CADM2: variants seen among roughly 807,000 people sequenced by gnomAD.
The protein encoded by CADM2 is immunoglobulin superfamily member 4D.
CADM2 carries 12 observed loss-of-function variants against 49.8 expected under a neutral mutation model. The observed-to-expected ratio is 0.24, with a 90% CI of 0.15 to 0.39. The LOEUF (loss-of-function observed/expected upper bound fraction) is 0.39. CADM2 is among the 10% of genes least tolerant of loss of function. CADM2 has a pLI of 1.00. For missense variants in CADM2, 378 were observed against 492.3 expected, an observed-to-expected ratio of 0.77 and a Z score of 2.20; for synonymous variants, 214 against 175.4, an observed-to-expected ratio of 1.22 and a Z score of -1.74.
intron 8 of CADM2, among the ~76,000 whole-genome samples, chr3:85,964,084 T>C (rs1460580895): frequency 6.6e-6 from 1 of 151,872 alleles, no homozygotes; most frequent in Non-Finnish European, 1.5e-5. Context: ...TAGTCACTAG[T>C]TGTATAAATA....
At chr3:85,408,521 A>G (rs1241632119) in intron 1 of CADM2, among the ~76,000 whole-genome samples, 1 of 152,204 alleles carries the variant, frequency 6.6e-6, no homozygotes, top group East Asian at 1.9e-4. Flanking sequence ...CGTAGCAACT[A>G]CCATACAAAC....
At chr3:85,353,712 A>G (rs1357322910) in intron 1 of CADM2, among the ~76,000 whole-genome samples, 1 of 151,930 alleles carries the variant, frequency 6.6e-6, no homozygotes, top group Non-Finnish European at 1.5e-5. Context: ...TATATTCATT[A>G]GATATCTTGC....
intron 1 of CADM2, among the ~76,000 whole-genome samples, chr3:85,558,351 T>A (rs1401252064): frequency 6.6e-6 from 1 of 152,000 alleles, no homozygotes; most frequent in Non-Finnish European, 1.5e-5. Flanking sequence ...ACTAAGTACC[T>A]TATTTGGGAA....
chr3:85,920,842 G>C (rs1170876231), intron 6 of CADM2, among the ~76,000 whole-genome samples: 1 of 150,808 alleles, frequency 6.6e-6, no homozygotes, highest in Admixed American at 6.6e-5. Context: ...TTGTGAATGG[G>C]AATTCCAAAT....
chr3:85,388,332 T>C (rs2034349266), intron 1 of CADM2, among the ~76,000 whole-genome samples: 1 of 152,188 alleles, frequency 6.6e-6, no homozygotes. Context: ...TGAGAATTAA[T>C]TGTTTGGCCT....
intron 1 of CADM2, among the ~76,000 whole-genome samples, chr3:85,187,528 G>A (rs958286786): frequency 6.6e-6 from 1 of 151,894 alleles, no homozygotes; most frequent in Non-Finnish European, 1.5e-5. Flanking sequence ...TTATTCACTT[G>A]TCATTTTGTT....
intron 1 of CADM2, chr3:85,511,873 T>G: frequency 1.0e-6 from 1 of 983,242 alleles, no homozygotes; most frequent in Non-Finnish European, 1.2e-6. Flanking sequence ...ACATTAATCA[T>G]TCCAGTGTAA....
chr3:85,251,397 T>G, intron 1 of CADM2, among the ~76,000 whole-genome samples: 1 of 151,968 alleles, frequency 6.6e-6, no homozygotes, highest in African/African-American at 2.4e-5. Flanking sequence ...AGATAAAAAT[T>G]TTGATTTAAA....
intron 1 of CADM2, among the ~76,000 whole-genome samples, chr3:85,609,009 T>G (rs1351261415): frequency 6.6e-6 from 1 of 152,154 alleles, no homozygotes; most frequent in Non-Finnish European, 1.5e-5. Flanking sequence ...AATTTTTTTG[T>G]TCTACTTGAA....
chr3:85,810,307 T>C (rs941779299), intron 3 of CADM2, among the ~76,000 whole-genome samples: 1 of 152,102 alleles, frequency 6.6e-6, no homozygotes, highest in Non-Finnish European at 1.5e-5. Context: ...CCTGAGTAGC[T>C]TAGTCTTCTA....
At chr3:85,446,152 C>A (rs559030533) in intron 1 of CADM2, among the ~76,000 whole-genome samples, 2 of 152,148 alleles carry the variant, frequency 1.3e-5, no homozygotes, top group South Asian at 4.1e-4. Context: ...TAGCTTCTTC[C>A]TTCTCTTGAC....
intron 1 of CADM2, among the ~76,000 whole-genome samples, chr3:85,631,112 G>T (rs2064292630): frequency 6.6e-6 from 1 of 151,912 alleles, no homozygotes; most frequent in Admixed American, 6.6e-5. Context: ...TGTTTTCCCT[G>T]TTCTTTGGGT....
intron 1 of CADM2, among the ~76,000 whole-genome samples, chr3:85,106,361 A>C (rs1217987087): frequency 6.6e-6 from 1 of 152,166 alleles, no homozygotes; most frequent in African/African-American, 2.4e-5. Context: ...CAAATAGCTA[A>C]GGAGGAACAG....
chr3:85,964,086 G>A (rs1034543425), intron 8 of CADM2, among the ~76,000 whole-genome samples: 6 of 151,756 alleles, frequency 4.0e-5, no homozygotes, highest in Admixed American at 2.6e-4. Flanking sequence ...GTCACTAGTT[G>A]TATAAATATA....
chr3:85,659,083 T>TAATAAC (rs1253912561), intron 1 of CADM2, among the ~76,000 whole-genome samples: 23 of 148,904 alleles, frequency 1.5e-4, no homozygotes, highest in African/African-American at 5.7e-4. Flanking sequence ...ATAATAATAA[T>TAATAAC]AACAATAAAT....
intron 6 of CADM2, among the ~76,000 whole-genome samples, chr3:85,915,224 C>G (rs564784038): frequency 5.9e-5 from 9 of 152,138 alleles, no homozygotes; most frequent in African/African-American, 2.2e-4. Flanking sequence ...TGGAGGAAGG[C>G]AATTGAATTA....
intron 8 of CADM2, among the ~76,000 whole-genome samples, chr3:86,043,870 C>T (rs898071525): frequency 1.3e-5 from 2 of 152,030 alleles, no homozygotes; most frequent in South Asian, 4.1e-4. Flanking sequence ...GAGATATAGA[C>T]CAATGGAACA....
At chr3:85,756,597 T>G (rs2069135222) in intron 2 of CADM2, among the ~76,000 whole-genome samples, 1 of 152,194 alleles carries the variant, frequency 6.6e-6, no homozygotes, top group East Asian at 1.9e-4. Context: ...CTGTATTTAT[T>G]CTTACATACG....
intron 6 of CADM2, among the ~76,000 whole-genome samples, chr3:85,929,510 A>T (rs1559748763): frequency 6.6e-6 from 1 of 152,166 alleles, no homozygotes; most frequent in African/African-American, 2.4e-5. Flanking sequence ...TATCTGGGTC[A>T]GTAAAAAGTG....
Sources: gnomAD v4.1 joint callset for allele counts (sites outside exome capture counted in the v4.1 genomes callset) on GRCh38, gnomAD v4.1.1 for gene constraint, MANE v1.5 for transcripts, NCBI Gene and HGNC (gene_info 2026-07-23, HGNC 2026-07-21) for gene names.